PRKCE: variants seen among roughly 807,000 people sequenced by gnomAD.
PRKCE encodes protein kinase C epsilon, also known as protein kinase C epsilon type.
A neutral mutation model predicts 85.4 loss-of-function variants in PRKCE; 16 were observed. The ratio of observed to expected loss-of-function variants is 0.19; its 90% confidence interval spans 0.13 to 0.28. PRKCE has a LOEUF of 0.28. Ranked by LOEUF, PRKCE falls within the 10% of genes least tolerant of loss-of-function variation. PRKCE has a pLI of 1.00. For missense variants in PRKCE, 573 were observed against 975.2 expected, an observed-to-expected ratio of 0.59 and a Z score of 5.49; for synonymous variants, 388 against 371.5, an observed-to-expected ratio of 1.04 and a Z score of -0.51.
chr2:46,094,812 A>G lies in PRKCE; in HGVS notation c.1592+8450A>G, dbSNP rs546212209. Among the ~76,000 whole-genome samples the G allele has an allele frequency of 5.1e-4, 77 of 152,300 alleles. 1 individual carries two copies. In the Middle Eastern group the frequency reaches 0.01, roughly 20 times the overall value. ...CTTAAAATAAAAGTTGAAGTTAAAA[A>G]AAAAAAAAAGCATTTTCACTCAATT... On this transcript the variant is annotated intron_variant, in intron 11 of 14. Transcript: ENST00000306156.
chr2:45,786,998 C>T lies in PRKCE; in HGVS notation c.349-56002C>T, dbSNP rs570567913. Among the ~76,000 whole-genome samples, 8 of 152,336 alleles carry T rather than the reference C, an allele frequency of 5.3e-5. No homozygotes were observed. Among genetic ancestry groups the T allele is most frequent in the Admixed American group, 2.0e-4 (3 of 15,310 alleles). ...TTTGGTTCAAGTCGGGATTTCCCAT[C>T]GGTTTCCCCTGGATCCGATGATCCT... On this transcript the variant is annotated intron_variant, in intron 1 of 14. Coordinates refer to ENST00000306156, the MANE Select transcript of PRKCE (RefSeq NM_005400.3). The surrounding 1 kb of genome is among the most constrained non-coding windows in gnomAD (Gnocchi z 5.3).
At chr2:45,692,727 A>ACACACACC (rs1677836417) in intron 1 of PRKCE, among the ~76,000 whole-genome samples, 1 of 150,870 alleles carries the variant, frequency 6.6e-6, no homozygotes, top group South Asian at 2.1e-4. Flanking sequence ...ACACACACAC[A>ACACACACC]CACCCATGCA....
chr2:45,857,129 T>C (rs1425745365), intron 2 of PRKCE, among the ~76,000 whole-genome samples: 1 of 152,226 alleles, frequency 6.6e-6, no homozygotes, highest in East Asian at 1.9e-4. Context: ...GCTTTTGTAC[T>C]GCTTTCCATA....
chr2:45,859,860 C>T (rs1225576901), intron 2 of PRKCE, among the ~76,000 whole-genome samples: 1 of 152,132 alleles, frequency 6.6e-6, no homozygotes, highest in Admixed American at 6.6e-5. Context: ...CCTGCTAACT[C>T]AATAGGTGGC....
intron 10 of PRKCE, among the ~76,000 whole-genome samples, chr2:46,022,911 G>A (rs536448188): frequency 7.3e-4 from 110 of 151,420 alleles, no homozygotes; most frequent in African/African-American, 2.5e-3. Context: ...GTGAAATCCC[G>A]TCTCTACTAA....
At chr2:45,801,866 T>C (rs557924533) in intron 1 of PRKCE, among the ~76,000 whole-genome samples, 14 of 152,182 alleles carry the variant, frequency 9.2e-5, no homozygotes, top group Non-Finnish European at 1.8e-4. Flanking sequence ...GTGCTGATCC[T>C]AGCCTTGCTG....
At chr2:45,881,761 C>T (rs1309951141) in intron 2 of PRKCE, among the ~76,000 whole-genome samples, 2 of 152,208 alleles carry the variant, frequency 1.3e-5, no homozygotes, top group South Asian at 2.1e-4. Flanking sequence ...AAACTCAGCC[C>T]TTCTGGCTCT....
At chr2:45,682,333 C>A (rs1472132666) in intron 1 of PRKCE, among the ~76,000 whole-genome samples, 1 of 152,158 alleles carries the variant, frequency 6.6e-6, no homozygotes, top group African/African-American at 2.4e-5. Flanking sequence ...GGGTGCCTGT[C>A]TGAGAGTACG....
intron 2 of PRKCE, among the ~76,000 whole-genome samples, chr2:45,887,516 C>T (rs756047883): frequency 6.6e-6 from 1 of 151,510 alleles, no homozygotes; most frequent in Non-Finnish European, 1.5e-5. Flanking sequence ...GAATAAGTAC[C>T]CCGGAACCAC....
At chr2:45,683,016 T>G (rs897989555) in intron 1 of PRKCE, among the ~76,000 whole-genome samples, 5 of 152,190 alleles carry the variant, frequency 3.3e-5, no homozygotes, top group Non-Finnish European at 7.3e-5. Context: ...TTGTACGTCT[T>G]TTATTTATTT....
At chr2:46,026,908 C>T (rs1260450476) in intron 10 of PRKCE, among the ~76,000 whole-genome samples, 1 of 152,164 alleles carries the variant, frequency 6.6e-6, no homozygotes, top group Non-Finnish European at 1.5e-5. Context: ...AAGCAAGGGG[C>T]CGGGTGTGGT....
At chr2:45,808,915 G>A (rs1222131298) in intron 1 of PRKCE, among the ~76,000 whole-genome samples, 4 of 152,096 alleles carry the variant, frequency 2.6e-5, no homozygotes, top group Non-Finnish European at 5.9e-5. Flanking sequence ...AGTTTGGGGG[G>A]TCTCCTCATA....
chr2:45,779,479 G>A (rs1466509857), intron 1 of PRKCE, among the ~76,000 whole-genome samples: 5 of 152,112 alleles, frequency 3.3e-5, no homozygotes, highest in African/African-American at 9.7e-5. Flanking sequence ...GGGATACAGA[G>A]CCTGCGAGAG....
In PRKCE at chr2:46,055,666, A is replaced by AT. The variant is rs111642461; in HGVS notation, c.1438-30530dup. On this transcript the variant is annotated intron_variant, in intron 10 of 14. Transcript: ENST00000306156. ...GCCCTTTGGAAAAATGCTAAGTCTA[A>AT]TTTTTTTTTTTTGAGGAGGGTCTTG... 2.1e-3 allele frequency among the ~76,000 whole-genome samples: 306 copies of AT among 147,468 alleles called. 1 individual carries two copies. Among genetic ancestry groups the AT allele is most frequent in the Middle Eastern group, 3.6e-3 (1 of 280 alleles).
Position 46,004,608 on chromosome 2 carries a change from A to G in PRKCE, c.1033A>G (p.Lys345Glu). The G allele has an allele frequency of 1.9e-6, 3 of 1,590,694 alleles. No homozygotes were observed. The highest frequency in any genetic ancestry group is 1.7e-6 in the Non-Finnish European group (2 of 1,175,756). The change falls in exon 8 of 15, where the codon AAG (lysine) becomes GAG (glutamate). Residue 345 changes from lysine to glutamate, a missense_variant. Transcript: ENST00000306156. The surrounding 1 kb of genome is among the most constrained non-coding windows in gnomAD (Gnocchi z 4.1). ...CTCACCATCTGAGGAAGATCGATCC[A>G]AGTCAGCACCCACCTCCCCTTGTGA... is the stretch of plus-strand genomic sequence containing the variant. Reference protein sequence around the residue: ...GSSPSEEDRSKSAPTSPCDQE... With the variant: ...GSSPSEEDRSESAPTSPCDQE...
At chr2:46,170,844 C>T (rs1678823366) in intron 14 of PRKCE, among the ~76,000 whole-genome samples, 2 of 152,206 alleles carry the variant, frequency 1.3e-5, no homozygotes, top group African/African-American at 4.8e-5. Context: ...GAGAACTGAT[C>T]TCTATCTAGA....
intron 2 of PRKCE, among the ~76,000 whole-genome samples, chr2:45,920,839 AC>A (rs1362741006): frequency 6.6e-6 from 1 of 152,234 alleles, no homozygotes; most frequent in Non-Finnish European, 1.5e-5. Context: ...ATATACTAAA[AC>A]AATTGAGTTG....
chr2:45,703,306 A>C (rs1418205385), intron 1 of PRKCE, among the ~76,000 whole-genome samples: 1 of 152,048 alleles, frequency 6.6e-6, no homozygotes, highest in Non-Finnish European at 1.5e-5. Flanking sequence ...AGCCTGAGGC[A>C]GGAGGATCAC....
intron 1 of PRKCE, among the ~76,000 whole-genome samples, chr2:45,830,008 G>C (rs1210304307): frequency 6.8e-6 from 1 of 147,824 alleles, no homozygotes; most frequent in Non-Finnish European, 1.5e-5. Context: ...GGGAGGCGGA[G>C]CTTGCAGTGA....
Sources: gnomAD v4.1 joint callset for allele counts (sites outside exome capture counted in the v4.1 genomes callset) on GRCh38, gnomAD v4.1.1 for gene constraint, Gnocchi (gnomAD v3.1) non-coding constraint, MANE v1.5 for transcripts, NCBI Gene and HGNC (gene_info 2026-07-23, HGNC 2026-07-21) for gene names.